TRPM3: variants seen among roughly 807,000 people sequenced by gnomAD.
TRPM3 encodes the protein transient receptor potential cation channel subfamily M member 3, also known as long transient receptor potential channel 3.
Under a neutral mutation model 181.2 loss-of-function variants are expected in TRPM3, and 77 were observed. The ratio of observed to expected loss-of-function variants is 0.42; its 90% CI spans 0.35 to 0.51. The LOEUF is 0.51. Among genes scored for constraint, TRPM3 ranks in the 20% least tolerant of loss-of-function variants. The probability of loss-of-function intolerance (pLI) is 0.01; values close to 1 mark genes in which losing one functional copy is unlikely to be tolerated. For missense variants in TRPM3, 1,759 were observed against 2,196.7 expected, an observed-to-expected ratio of 0.80 and a Z score of 3.98; for synonymous variants, 745 against 796.4, an observed-to-expected ratio of 0.94 and a Z score of 1.09.
At chr9:70,602,642 C>T (rs2060271716) in intron 20 of TRPM3, among the ~76,000 whole-genome samples, 1 of 152,182 alleles carries the variant, frequency 6.6e-6, no homozygotes, top group African/African-American at 2.4e-5. Context: ...CTGCAGAGCC[C>T]TCTTGTGGAT....
rs182193043 is a variant in TRPM3 at position 71,286,198 on chromosome 9, T to C, written c.183+160455A>G. ...TTTGTGAGGTGTCATCAGACCAGGT[T>C]TAGTAGTTTTGTAGTTTCCCAATCA... On this transcript the variant is annotated intron_variant, in intron 1 of 24. Transcript: ENST00000357533. 6.8e-4 allele frequency among the ~76,000 whole-genome samples: 104 copies of C among 152,294 alleles called. 1 individual carries two copies. Among genetic ancestry groups the C allele is most frequent in the Non-Finnish European group, 1.0e-3 (69 of 68,018 alleles).
chr9:70,887,702 G>A (rs1225274156), intron 1 of TRPM3, among the ~76,000 whole-genome samples: 1 of 152,048 alleles, frequency 6.6e-6, no homozygotes, highest in East Asian at 1.9e-4. Context: ...CTTAGTATCT[G>A]GGTATCTTGT....
chr9:71,277,335 G>A (rs1387357949), intron 1 of TRPM3, among the ~76,000 whole-genome samples: 1 of 152,102 alleles, frequency 6.6e-6, no homozygotes. Flanking sequence ...CGTGTACGTA[G>A]TTCTGCATTT....
intron 14 of TRPM3, among the ~76,000 whole-genome samples, chr9:70,624,231 G>A (rs2064114187): frequency 6.6e-6 from 1 of 152,150 alleles, no homozygotes; most frequent in African/African-American, 2.4e-5. Context: ...AATCTATGAT[G>A]TTACAAGATC....
intron 22 of TRPM3, among the ~76,000 whole-genome samples, chr9:70,583,972 T>C (rs2056569623): frequency 6.6e-6 from 1 of 152,174 alleles, no homozygotes; most frequent in South Asian, 2.1e-4. Flanking sequence ...CTCATCGCTG[T>C]TCCCTTTTTC....
intron 1 of TRPM3, among the ~76,000 whole-genome samples, chr9:71,346,954 T>G: frequency 6.6e-6 from 1 of 152,196 alleles, no homozygotes; most frequent in Non-Finnish European, 1.5e-5. Context: ...GCACAAACTA[T>G]GAGTGAACTC....
chr9:71,238,652 A>T (rs1308796680), intron 1 of TRPM3, among the ~76,000 whole-genome samples: 3 of 152,234 alleles, frequency 2.0e-5, no homozygotes, highest in Admixed American at 2.0e-4. Context: ...TTACTTGTTA[A>T]CAAGGTCTTA....
At chr9:70,609,622 C>A (rs1004013091) in intron 19 of TRPM3, among the ~76,000 whole-genome samples, 1 of 152,200 alleles carries the variant, frequency 6.6e-6, no homozygotes, top group South Asian at 2.1e-4. Context: ...GACAGCCCCC[C>A]ACAATGAAGA....
intron 9 of TRPM3, among the ~76,000 whole-genome samples, chr9:70,644,398 G>A (rs1025992927): frequency 2.0e-5 from 3 of 152,104 alleles, no homozygotes; most frequent in Admixed American, 6.5e-5. Context: ...CTGCTGGCCC[G>A]GCTGCCCTCC....
At position 70,898,119 on chromosome 9, in the gene TRPM3, G is replaced by T. The variant is rs998858749; in HGVS notation, c.178-33608C>A. On this transcript the variant is annotated intron_variant, in intron 1 of 25. Coordinates refer to ENST00000677713, the MANE Select transcript of TRPM3 (RefSeq NM_001366145.2). The stretch of plus-strand genomic sequence containing the variant: ...CTAAGCAGCTCACTCACAATAAATT[G>T]TTTTTTTTTTTTGGTGGCTGGGGGA... Among the ~76,000 whole-genome samples, 365 of 142,218 alleles carry T rather than the reference G, an allele frequency of 2.6e-3. 1 individual carries two copies. The highest frequency in any genetic ancestry group is 0.011 in the Middle Eastern group (3 of 278). 93.3% of individuals were successfully genotyped at this position (142,218 alleles called of 152,430 possible).
At chr9:70,751,744 T>A (rs1587827501) in intron 8 of TRPM3, among the ~76,000 whole-genome samples, 1 of 151,920 alleles carries the variant, frequency 6.6e-6, no homozygotes, top group Admixed American at 6.6e-5. Context: ...GAGAAAAAAT[T>A]ATGGAGGAAA....
chr9:71,095,159 T>C (rs1009452316), intron 1 of TRPM3, among the ~76,000 whole-genome samples: 1 of 152,220 alleles, frequency 6.6e-6, no homozygotes, highest in Admixed American at 6.5e-5. Flanking sequence ...TTTCCCTTTT[T>C]GTTTCTTGGA....
intron 1 of TRPM3, among the ~76,000 whole-genome samples, chr9:71,237,055 AAAAAAGG>A (rs2081391860): frequency 6.7e-6 from 1 of 148,904 alleles, no homozygotes. Context: ...AAAAAAAAAA[AAAAAAGG>A]GGGGGGGAAA....
At chr9:70,833,625 C>T (rs887248674) in intron 5 of TRPM3, among the ~76,000 whole-genome samples, 5 of 151,888 alleles carry the variant, frequency 3.3e-5, no homozygotes, top group African/African-American at 1.2e-4. Flanking sequence ...TCTCTAAATC[C>T]CATGTAGATT....
At chr9:70,605,070 T>G (rs1222929255) in intron 19 of TRPM3, among the ~76,000 whole-genome samples, 1 of 151,546 alleles carries the variant, frequency 6.6e-6, no homozygotes, top group Non-Finnish European at 1.5e-5. Flanking sequence ...TTCTCGTGCC[T>G]CAGCCTCCGG....
At chr9:71,339,548 G>A (rs934355596) in intron 1 of TRPM3, among the ~76,000 whole-genome samples, 1 of 151,980 alleles carries the variant, frequency 6.6e-6, no homozygotes, top group African/African-American at 2.4e-5. Flanking sequence ...TGATAAAGGC[G>A]GCCTCTTGAA....
intron 1 of TRPM3, among the ~76,000 whole-genome samples, chr9:71,341,659 AAG>A (rs1180075638): frequency 1.0e-5 from 1 of 97,550 alleles, no homozygotes; most frequent in Non-Finnish European, 2.2e-5. Flanking sequence ...GGAAAAGAAA[AAG>A]AAACTAGTAA....
chr9:71,286,945 T>G (rs1332631611), intron 1 of TRPM3, among the ~76,000 whole-genome samples: 1 of 141,882 alleles, frequency 7.0e-6, no homozygotes, highest in Non-Finnish European at 1.5e-5. Context: ...TATATATAAT[T>G]TATATTTTAT....
intron 1 of TRPM3, among the ~76,000 whole-genome samples, chr9:70,865,052 G>A (rs565669214): frequency 1.4e-4 from 21 of 150,674 alleles, no homozygotes; most frequent in African/African-American, 3.7e-4. Context: ...GGGTTGGGGG[G>A]GGGGAGGAAA....
Sources: gnomAD v4.1 joint callset for allele counts (sites outside exome capture counted in the v4.1 genomes callset) on GRCh38, gnomAD v4.1.1 for gene constraint, MANE v1.5 for transcripts, NCBI Gene and HGNC (gene_info 2026-07-23, HGNC 2026-07-21) for gene names.